FARS2: variants seen among roughly 807,000 people sequenced by gnomAD.
FARS2 encodes phenylalanyl-tRNA synthetase 2, mitochondrial, also known as phenylalanine--tRNA ligase, mitochondrial.
In FARS2, 40 loss-of-function variants were observed where a neutral mutation model predicts 46.4. The ratio of observed to expected loss-of-function variants is 0.86; its 90% CI spans 0.67 to 1.12. The LOEUF (loss-of-function observed/expected upper bound fraction) is 1.12. Ranked by LOEUF, FARS2 falls within the 50% of genes most tolerant of loss-of-function variation. The pLI is 0.00. For synonymous variants in FARS2, 234 were observed against 214.9 expected, an observed-to-expected ratio of 1.09 and a Z score of -0.78; for missense variants, 513 against 567.9, an observed-to-expected ratio of 0.90 and a Z score of 0.98.
intron 6 of FARS2, among the ~76,000 whole-genome samples, chr6:5,717,351 A>ATGTGTGTGTGTGTGTGTGTGTG (rs58875741): frequency 7.1e-6 from 1 of 141,634 alleles, no homozygotes; most frequent in African/African-American, 2.6e-5. Flanking sequence ...AGATATGTAT[A>ATGTGTGTGTGTGTGTGTGTGTG]TGTGTGTGTG....
chr6:5,594,703 G>A (rs1774101615), intron 5 of FARS2, among the ~76,000 whole-genome samples: 1 of 152,172 alleles, frequency 6.6e-6, no homozygotes, highest in South Asian at 2.1e-4. Flanking sequence ...CCAGACCCCT[G>A]AAGAGGAGGA....
intron 2 of FARS2, among the ~76,000 whole-genome samples, chr6:5,391,104 T>C (rs1760481028): frequency 1.3e-5 from 2 of 152,212 alleles, no homozygotes; most frequent in African/African-American, 2.4e-5. Context: ...GCTCTGTTCA[T>C]GAGTGTTTTA....
intron 2 of FARS2, among the ~76,000 whole-genome samples, chr6:5,380,682 A>G (rs1759700320): frequency 6.6e-6 from 1 of 152,220 alleles, no homozygotes; most frequent in South Asian, 2.1e-4. Flanking sequence ...GTAAAAGACT[A>G]CACTCTTGCT....
At chr6:5,698,010 A>G (rs1758205943) in intron 6 of FARS2, among the ~76,000 whole-genome samples, 1 of 152,226 alleles carries the variant, frequency 6.6e-6, no homozygotes, top group South Asian at 2.1e-4. Context: ...CAGAAGTGAA[A>G]GCCAAATAAT....
chr6:5,709,690 G>GTT (rs1758992753), intron 6 of FARS2, among the ~76,000 whole-genome samples: 2 of 28,226 alleles, frequency 7.1e-5, no homozygotes, highest in Non-Finnish European at 1.9e-4. Context: ...GTGTGTGTGT[G>GTT]TGTGTGTGCG....
At chr6:5,426,436 AT>A (rs1312381257) in intron 3 of FARS2, among the ~76,000 whole-genome samples, 29 of 152,204 alleles carry the variant, frequency 1.9e-4, no homozygotes, top group Non-Finnish European at 7.4e-5. Flanking sequence ...TTGGCATTGT[AT>A]CTTTTAATAC....
intron 2 of FARS2, among the ~76,000 whole-genome samples, chr6:5,382,898 A>G (rs949951312): frequency 6.6e-6 from 1 of 152,252 alleles, no homozygotes; most frequent in Admixed American, 6.5e-5. Context: ...ATGTCCCAGT[A>G]CAGGGACAGT....
intron 6 of FARS2, among the ~76,000 whole-genome samples, chr6:5,719,396 T>TAA (rs55695285): frequency 0.77 from 95,099 of 122,912 alleles, 37,422 homozygotes; most frequent in East Asian, 0.96. Flanking sequence ...CAAAAAAAAT[T>TAA]AAAAAAAAAA....
chr6:5,661,204 G>A (rs1407768357), intron 6 of FARS2, among the ~76,000 whole-genome samples: 1 of 152,238 alleles, frequency 6.6e-6, no homozygotes, highest in African/African-American at 2.4e-5. Context: ...TATGGAACCA[G>A]ATGGATGATG....
chr6:5,283,961 A>C (rs993195326), intron 1 of FARS2, among the ~76,000 whole-genome samples: 6 of 152,228 alleles, frequency 3.9e-5, no homozygotes, highest in Non-Finnish European at 5.9e-5. Flanking sequence ...TGCCGAAATA[A>C]AGGATATATG....
intron 6 of FARS2, among the ~76,000 whole-genome samples, chr6:5,725,140 C>T (rs934351712): frequency 3.3e-5 from 5 of 152,230 alleles, no homozygotes; most frequent in African/African-American, 4.8e-5. Flanking sequence ...CTGGATGATG[C>T]GGAGCAGACA....
At chr6:5,535,742 G>A (rs1010157773) in intron 4 of FARS2, among the ~76,000 whole-genome samples, 3 of 152,182 alleles carry the variant, frequency 2.0e-5, no homozygotes, top group Non-Finnish European at 4.4e-5. Flanking sequence ...TCATGAAAGG[G>A]TGTTGGACTT....
intron 4 of FARS2, among the ~76,000 whole-genome samples, chr6:5,481,116 C>A (rs1161692220): frequency 6.6e-6 from 1 of 152,218 alleles, no homozygotes; most frequent in Non-Finnish European, 1.5e-5. Context: ...CCTTTCAACT[C>A]CCTGTCTCTC....
chr6:5,739,705 G>T (rs1761198439), intron 6 of FARS2, among the ~76,000 whole-genome samples: 2 of 152,204 alleles, frequency 1.3e-5, no homozygotes, highest in African/African-American at 2.4e-5. Context: ...TTCTTCTGTA[G>T]TCCTTGCTTT....
chr6:5,304,959 G>C (rs1768590986), intron 1 of FARS2, among the ~76,000 whole-genome samples: 1 of 152,170 alleles, frequency 6.6e-6, no homozygotes, highest in Non-Finnish European at 1.5e-5. Flanking sequence ...GGCGAAGGTG[G>C]AAGTCAAAGG....
At chr6:5,532,782 A>G (rs1769937839) in intron 4 of FARS2, among the ~76,000 whole-genome samples, 1 of 135,784 alleles carries the variant, frequency 7.4e-6, no homozygotes, top group Non-Finnish European at 1.5e-5. Flanking sequence ...AATAATAATA[A>G]TAAGAAGAAG....
chr6:5,752,395 A>G (rs953952008), intron 6 of FARS2, among the ~76,000 whole-genome samples: 3 of 152,178 alleles, frequency 2.0e-5, no homozygotes, highest in African/African-American at 7.2e-5. Flanking sequence ...AGCTGACAGG[A>G]TGGGCCTCAT....
chr6:5,555,817 A>C (rs1771623855), intron 5 of FARS2, among the ~76,000 whole-genome samples: 1 of 152,162 alleles, frequency 6.6e-6, no homozygotes, highest in African/African-American at 2.4e-5. Context: ...ACAGGAAGAA[A>C]TGTGAAAGAT....
At chr6:5,310,453 G>T (rs1001884921) in intron 1 of FARS2, among the ~76,000 whole-genome samples, 2 of 151,144 alleles carry the variant, frequency 1.3e-5, no homozygotes, top group East Asian at 3.9e-4. Context: ...CCACAAACTG[G>T]CAATTATTTG....
Sources: allele counts gnomAD v4.1 joint callset (sites outside exome capture counted in the v4.1 genomes callset), GRCh38; gene constraint gnomAD v4.1.1; transcripts MANE v1.5; gene names NCBI Gene and HGNC (gene_info 2026-07-23, HGNC 2026-07-21).